The following ITGA2 variants were observed in gnomAD, a reference collection of about 807,000 sequenced individuals.
The protein encoded by ITGA2 is integrin alpha-2.
A neutral mutation model predicts 146.3 loss-of-function variants in ITGA2; 101 were observed. That is an observed-to-expected ratio of 0.69 (90% CI 0.59 to 0.81). The LOEUF (loss-of-function observed/expected upper bound fraction) is 0.81. Among genes scored for constraint, ITGA2 ranks in the 40% least tolerant of loss-of-function variants. The pLI is 0.00. For missense variants in ITGA2, 1,281 were observed against 1,402.7 expected, an observed-to-expected ratio of 0.91 and a Z score of 1.39; for synonymous variants, 477 against 487.1, an observed-to-expected ratio of 0.98 and a Z score of 0.27.
At chr5:53,002,530 T>C (rs1041263417) in intron 1 of ITGA2, among the ~76,000 whole-genome samples, 1 of 152,218 alleles carries the variant, frequency 6.6e-6, no homozygotes, top group Non-Finnish European at 1.5e-5. Flanking sequence ...TGTATATACT[T>C]TTCCATGTGA....
At chr5:53,050,016 G>A (rs1429921380) in intron 6 of ITGA2, among the ~76,000 whole-genome samples, 2 of 152,098 alleles carry the variant, frequency 1.3e-5, no homozygotes, top group African/African-American at 4.8e-5. Context: ...AAATTTCCCT[G>A]TGGGCATTTT....
At chr5:53,089,735 T>G (rs1188327880) in intron 28 of ITGA2, among the ~76,000 whole-genome samples, 1 of 152,226 alleles carries the variant, frequency 6.6e-6, no homozygotes, top group Non-Finnish European at 1.5e-5. Context: ...GCGGAGAAAC[T>G]AGAAAAGTTG....
At chr5:53,003,394 C>T (rs1741681019) in intron 1 of ITGA2, among the ~76,000 whole-genome samples, 1 of 152,118 alleles carries the variant, frequency 6.6e-6, no homozygotes, top group Non-Finnish European at 1.5e-5. Flanking sequence ...CACAACCTCA[C>T]TTATTATCTC....
At chr5:53,047,446 T>C (rs1744145853) in intron 4 of ITGA2, among the ~76,000 whole-genome samples, 1 of 152,144 alleles carries the variant, frequency 6.6e-6, no homozygotes, top group African/African-American at 2.4e-5. Context: ...AATGGAGATA[T>C]TAAGGATTGG....
At chr5:53,004,894 GTTTTTTTTTTTTTTTTTTTT>G (rs548541753) in intron 1 of ITGA2, among the ~76,000 whole-genome samples, 27 of 55,946 alleles carry the variant, frequency 4.8e-4, no homozygotes, top group African/African-American at 1.9e-3. Flanking sequence ...TAGTTGCTTT[GTTTTTTTTTTTTTTTTTTTT>G]TTTTTTTTTT....
chr5:52,998,520 A>C (rs144953333), intron 1 of ITGA2, among the ~76,000 whole-genome samples: 1 of 152,072 alleles, frequency 6.6e-6, no homozygotes, highest in African/African-American at 2.4e-5. Context: ...GCCTTTTTTC[A>C]TGTCCTCTCT....
intron 14 of ITGA2, 142 bp from the exon 15 acceptor site, chr5:53,065,699 A>C: frequency 9.1e-7 from 1 of 1,103,784 alleles, no homozygotes. Flanking sequence ...ATGTGATTAA[A>C]AAATGAATCT....
chr5:53,022,228 G>A (rs939724221), intron 1 of ITGA2, among the ~76,000 whole-genome samples: 2 of 150,136 alleles, frequency 1.3e-5, no homozygotes, highest in Non-Finnish European at 3.0e-5. Flanking sequence ...TTGGGGGACA[G>A]GGTCTTACTT....
Position 53,078,779 on chromosome 5 carries a change from A to G in ITGA2, c.2833A>G (p.Asn945Asp). 6.3e-7 allele frequency: 1 copy of G among 1,595,536 alleles called. No homozygotes were observed. The highest frequency in any genetic ancestry group is 8.6e-7 in the Non-Finnish European group (1 of 1,163,760). ...DAEIHLTRST[N>D]INFYEISSDG... is the part of the protein sequence containing the mutation. ...ACAAACATCATCCAACAGATCTACC[A>G]ACATAAATTTTTATGAAATCTCTTC... The change falls in exon 24 of 30, where the codon AAC (asparagine) becomes GAC (aspartate). Residue 945 changes from asparagine (N) to aspartate (D), a missense_variant. By Grantham distance (23) the Asn-to-Asp change is conservative (BLOSUM62 1). This residue lies in a region of ITGA2 where 475 missense variants were observed against 530.5 expected (regional missense o/e 0.90). Transcript: ENST00000296585.
intron 2 of ITGA2, among the ~76,000 whole-genome samples, chr5:53,031,267 G>A (rs1743208342): frequency 6.6e-6 from 1 of 152,178 alleles, no homozygotes; most frequent in South Asian, 2.1e-4. Context: ...TTAGCAAATT[G>A]CGAGTTCTTT....
chr5:53,060,126 A>G (rs986138429), intron 11 of ITGA2, 114 bp downstream of exon 11: 36 of 1,091,138 alleles, frequency 3.3e-5, no homozygotes, highest in East Asian at 7.3e-5. Flanking sequence ...TCTAATTATC[A>G]TATTTATTAC....
At chr5:53,012,381 T>G (rs1347683969) in intron 1 of ITGA2, among the ~76,000 whole-genome samples, 1 of 152,184 alleles carries the variant, frequency 6.6e-6, no homozygotes, top group Non-Finnish European at 1.5e-5. Context: ...TCAAATAACA[T>G]TAAAAAAATT....
chr5:53,081,762 C>CT, intron 26 of ITGA2, 66 bp downstream of exon 26: 1 of 1,069,904 alleles, frequency 9.3e-7, no homozygotes, highest in Non-Finnish European at 1.4e-6. Context: ...CAGGACGCTG[C>CT]TTTTCTCCTA....
At chr5:53,029,023 G>C (rs3212425) in intron 2 of ITGA2, among the ~76,000 whole-genome samples, 9,176 of 152,202 alleles carry the variant, frequency 0.06, 298 homozygotes, top group Non-Finnish European at 0.068. Flanking sequence ...TGTAATTCCA[G>C]CACTTTGGGA....
At chr5:53,017,519 A>G (rs1243498112) in intron 1 of ITGA2, among the ~76,000 whole-genome samples, 10 of 152,224 alleles carry the variant, frequency 6.6e-5, no homozygotes, top group Non-Finnish European at 1.3e-4. Flanking sequence ...AATGCCAGCC[A>G]AAGCTCTTTG....
chr5:53,062,905 A>C lies in ITGA2; in HGVS notation c.1578A>C (p.Arg526Ser). 1 of 1,610,544 alleles carries C rather than the reference A, an allele frequency of 6.2e-7. No homozygotes were observed. Among genetic ancestry groups the C allele is most frequent in the Non-Finnish European group, 8.5e-7 (1 of 1,177,616 alleles). ...YMSDLKKEEG[R>S]VYLFTIKEGI... Reference sequence around the variant, plus strand: ...GTGACCTAAAGAAAGAGGAAGGAAGAGTCTACCTGTTTACTATCAAAGAGG... The same window carrying C: ...GTGACCTAAAGAAAGAGGAAGGAAGCGTCTACCTGTTTACTATCAAAGAGG... The change falls in exon 13 of 30, where the codon AGA (arginine) becomes AGC (serine). Residue 526 changes from arginine to serine, a missense_variant. Physicochemically the swap from Arg to Ser is moderately radical, Grantham distance 110. Around this residue, in one of 3 missense-constraint regions of ITGA2, gnomAD observed 795 missense variants for 841.7 expected, o/e 0.94. Transcript: ENST00000296585.
At chr5:53,027,121 G>A (rs894737186) in intron 2 of ITGA2, among the ~76,000 whole-genome samples, 2 of 151,388 alleles carry the variant, frequency 1.3e-5, no homozygotes, top group African/African-American at 4.9e-5. Flanking sequence ...TATAATACCA[G>A]TTTTGACCAT....
intron 1 of ITGA2, among the ~76,000 whole-genome samples, chr5:52,989,908 A>C (rs967998629): frequency 1.3e-5 from 2 of 152,064 alleles, no homozygotes; most frequent in African/African-American, 4.8e-5. Flanking sequence ...CGAGTCCTGC[A>C]GCCCAACTTC....
At chr5:53,026,688 A>G (rs1742963247) in intron 1 of ITGA2, 60 bp from the exon 2 acceptor site, 2 of 1,479,216 alleles carry the variant, frequency 1.4e-6, no homozygotes, top group African/African-American at 2.8e-5. Context: ...TTTGAGAATT[A>G]TACGACACAC....
Sources: gnomAD v4.1 joint callset for allele counts (sites outside exome capture counted in the v4.1 genomes callset) on GRCh38, gnomAD v4.1.1 for gene constraint, gnomAD v4.1.1 regional missense constraint, MANE v1.5 for transcripts, NCBI Gene and HGNC (gene_info 2026-07-23, HGNC 2026-07-21) for gene names.